ATG7: variants seen among roughly 807,000 people sequenced by gnomAD.
ATG7 encodes the protein ubiquitin-like modifier-activating enzyme ATG7.
A neutral mutation model predicts 82.4 loss-of-function variants in ATG7; 70 were observed. That is an observed-to-expected ratio of 0.85 (90% confidence interval 0.70 to 1.04). The LOEUF (loss-of-function observed/expected upper bound fraction) is 1.04, where lower values mean the gene tolerates loss of function less well. Ranked by LOEUF, ATG7 falls within the 50% of genes least tolerant of loss-of-function variation. ATG7 has a pLI of 0.00. For synonymous variants in ATG7, 287 were observed against 313.0 expected, an observed-to-expected ratio of 0.92 and a Z score of 0.88; for missense variants, 792 against 864.3, an observed-to-expected ratio of 0.92 and a Z score of 1.05.
intron 20 of ATG7, among the ~76,000 whole-genome samples, chr3:11,438,398 C>T (rs1483999745): frequency 1.3e-5 from 2 of 152,074 alleles, no homozygotes; most frequent in Non-Finnish European, 2.9e-5. Flanking sequence ...TTACATTGAC[C>T]AACTGAACTA....
intron 19 of ATG7, among the ~76,000 whole-genome samples, chr3:11,412,261 CTTTT>C (rs71055869): frequency 7.3e-6 from 1 of 137,810 alleles, no homozygotes. Context: ...TTATTTGATT[CTTTT>C]TTTTTTTTTT....
chr3:11,517,666 G>A (rs2092322885), intron 20 of ATG7, among the ~76,000 whole-genome samples: 1 of 152,180 alleles, frequency 6.6e-6, no homozygotes, highest in Non-Finnish European at 1.5e-5. Context: ...AAGGTGTGAC[G>A]GGAAAGGGCC....
At chr3:11,361,243 A>G (rs2152812472) in intron 16 of ATG7, among the ~76,000 whole-genome samples, 1 of 152,058 alleles carries the variant, frequency 6.6e-6, no homozygotes, top group African/African-American at 2.4e-5. Flanking sequence ...AAGTAAAAAT[A>G]TAGGATTCCC....
chr3:11,394,955 C>T (rs1281422513), intron 19 of ATG7, among the ~76,000 whole-genome samples: 3 of 152,088 alleles, frequency 2.0e-5, no homozygotes, highest in Non-Finnish European at 4.4e-5. Context: ...GAAATACAGA[C>T]ATACAGAGAT....
At chr3:11,414,496 G>C (rs1445440904) in intron 19 of ATG7, among the ~76,000 whole-genome samples, 1 of 152,188 alleles carries the variant, frequency 6.6e-6, no homozygotes, top group Non-Finnish European at 1.5e-5. Context: ...TCTATGAACA[G>C]ACAGTTTTAT....
chr3:11,506,904 G>A (rs544486072), intron 20 of ATG7, among the ~76,000 whole-genome samples: 117 of 152,264 alleles, frequency 7.7e-4, no homozygotes, highest in African/African-American at 2.5e-3. Context: ...CCCTAGGTAA[G>A]GATTCATAGC....
chr3:11,317,584 C>CTTTT (rs370026914), intron 9 of ATG7, among the ~76,000 whole-genome samples: 69 of 114,472 alleles, frequency 6.0e-4, no homozygotes, highest in East Asian at 8.0e-4. Context: ...TTCTTTCTTT[C>CTTTT]TTTTTTTTTT....
At chr3:11,369,027 G>A (rs1326581773) in intron 18 of ATG7, among the ~76,000 whole-genome samples, 1 of 150,914 alleles carries the variant, frequency 6.6e-6, no homozygotes, top group Non-Finnish European at 1.5e-5. Context: ...CCCTGGGAGG[G>A]ACCTGGCCTG....
At chr3:11,330,072 T>C (rs1324838150) in intron 9 of ATG7, among the ~76,000 whole-genome samples, 1 of 152,196 alleles carries the variant, frequency 6.6e-6, no homozygotes, top group Non-Finnish European at 1.5e-5. Context: ...ACTGGGGTTA[T>C]GGGTTTTTGG....
intron 20 of ATG7, among the ~76,000 whole-genome samples, chr3:11,440,163 C>T (rs2083747024): frequency 6.6e-6 from 1 of 152,120 alleles, no homozygotes. Flanking sequence ...TTTCACTGTA[C>T]CATCCTGGGG....
chr3:11,511,588 G>T (rs1316419420), intron 20 of ATG7, among the ~76,000 whole-genome samples: 1 of 152,228 alleles, frequency 6.6e-6, no homozygotes, highest in Non-Finnish European at 1.5e-5. Context: ...GTCCCGTACT[G>T]TGCGCTCACA....
intron 3 of ATG7, among the ~76,000 whole-genome samples, chr3:11,297,600 G>A (rs140183262): frequency 6.6e-6 from 1 of 152,148 alleles, no homozygotes; most frequent in Non-Finnish European, 1.5e-5. Context: ...TTTATTAGAT[G>A]ATTCGAAGGG....
At chr3:11,425,943 AAGG>A (rs1417129941) in intron 19 of ATG7, among the ~76,000 whole-genome samples, 1 of 152,174 alleles carries the variant, frequency 6.6e-6, no homozygotes, top group Non-Finnish European at 1.5e-5. Flanking sequence ...ATTATGTTTG[AAGG>A]TAGTTTGTTC....
chr3:11,478,718 C>T (rs1278803036), intron 20 of ATG7, among the ~76,000 whole-genome samples: 1 of 151,994 alleles, frequency 6.6e-6, no homozygotes, highest in Non-Finnish European at 1.5e-5. Flanking sequence ...AAGAAAAACA[C>T]CCCCACCCCC....
intron 19 of ATG7, among the ~76,000 whole-genome samples, chr3:11,392,704 C>T (rs896207819): frequency 1.3e-5 from 2 of 152,060 alleles, no homozygotes; most frequent in Admixed American, 1.3e-4. Flanking sequence ...AATATTCCGG[C>T]TTTGAGGTTA....
intron 20 of ATG7, among the ~76,000 whole-genome samples, chr3:11,461,249 T>C (rs1460547265): frequency 6.6e-6 from 1 of 152,166 alleles, no homozygotes; most frequent in African/African-American, 2.4e-5. Flanking sequence ...CCAAGGCCAT[T>C]CTGTGTCCCT....
intron 19 of ATG7, among the ~76,000 whole-genome samples, chr3:11,412,638 T>C (rs972678113): frequency 1.7e-4 from 26 of 152,344 alleles, no homozygotes; most frequent in Middle Eastern, 3.4e-3. Context: ...TTTGCTCCTC[T>C]TCTTCAAGAT....
intron 20 of ATG7, among the ~76,000 whole-genome samples, chr3:11,470,167 C>G (rs574751618): frequency 6.6e-6 from 1 of 152,252 alleles, no homozygotes; most frequent in South Asian, 2.1e-4. Context: ...TGTTTTCTAG[C>G]AGTGCAAATT....
intron 1 of ATG7, among the ~76,000 whole-genome samples, chr3:11,279,133 ACCCT>A (rs1942513607): frequency 6.6e-6 from 1 of 152,008 alleles, no homozygotes. Flanking sequence ...CTGTCATCTA[ACCCT>A]CCCTTTCTCA....
Sources: allele counts gnomAD v4.1 joint callset (sites outside exome capture counted in the v4.1 genomes callset), GRCh38; gene constraint gnomAD v4.1.1; transcripts MANE v1.5; gene names NCBI Gene and HGNC (gene_info 2026-07-23, HGNC 2026-07-21).